PLCL2: variants seen among roughly 807,000 people sequenced by gnomAD.
The protein encoded by PLCL2 is phospholipase C like 2.
Under a neutral mutation model 79.6 loss-of-function variants are expected in PLCL2, and 4 were observed. The observed-to-expected ratio is 0.05, with a 90% CI of 0.02 to 0.11. PLCL2 has a LOEUF of 0.11. Among genes scored for constraint, PLCL2 ranks in the 10% least tolerant of loss-of-function variants. The probability of loss-of-function intolerance (pLI) is 1.00; values close to 1 mark genes in which losing one functional copy is unlikely to be tolerated. For synonymous variants in PLCL2, 484 were observed against 457.7 expected (o/e 1.06, Z -0.73); for missense variants, 895 against 1,291.0 (o/e 0.69, Z 4.70).
intron 1 of PLCL2, among the ~76,000 whole-genome samples, chr3:16,901,269 GAGATATTAAAGA>G (rs1696612892): frequency 6.6e-6 from 1 of 152,222 alleles, no homozygotes; most frequent in South Asian, 2.1e-4. Flanking sequence ...GGCTGCTCCT[GAGATATTAAAGA>G]CTCTTCAGAA....
chr3:16,961,954 T>G (rs895382976), intron 1 of PLCL2, among the ~76,000 whole-genome samples: 15 of 152,118 alleles, frequency 9.9e-5, no homozygotes, highest in African/African-American at 3.6e-4. Flanking sequence ...CCCTCTCATG[T>G]TCAGAGCACT....
At chr3:16,926,054 C>T (rs916945140) in intron 1 of PLCL2, among the ~76,000 whole-genome samples, 2 of 152,204 alleles carry the variant, frequency 1.3e-5, no homozygotes, top group African/African-American at 4.8e-5. Flanking sequence ...TGAAATGTTT[C>T]AAATGCTGAC....
At chr3:16,936,253 T>A (rs935454136) in intron 1 of PLCL2, among the ~76,000 whole-genome samples, 9 of 152,252 alleles carry the variant, frequency 5.9e-5, no homozygotes, top group African/African-American at 2.2e-4. Flanking sequence ...ATTTTTTGTT[T>A]TTAAATTCTG....
intron 1 of PLCL2, among the ~76,000 whole-genome samples, chr3:16,952,644 CAT>C (rs1339013166): frequency 6.6e-6 from 1 of 151,868 alleles, no homozygotes; most frequent in East Asian, 1.9e-4. Context: ...AGTATGATCA[CAT>C]GTTGAGAAAA....
chr3:17,033,537 A>AT, intron 3 of PLCL2, among the ~76,000 whole-genome samples: 1 of 152,332 alleles, frequency 6.6e-6, no homozygotes, highest in Admixed American at 6.5e-5. Flanking sequence ...TTAGGTAACA[A>AT]TTTGAGCATA....
chr3:16,897,989 AT>A (rs142316979), intron 1 of PLCL2, among the ~76,000 whole-genome samples: 3,498 of 149,942 alleles, frequency 0.023, 143 homozygotes, highest in African/African-American at 0.08. Flanking sequence ...TTTTTAGGTC[AT>A]TTTTTTTTTC....
chr3:16,960,737 C>A (rs2063747260), intron 1 of PLCL2, among the ~76,000 whole-genome samples: 2 of 152,072 alleles, frequency 1.3e-5, no homozygotes, highest in Non-Finnish European at 2.9e-5. Flanking sequence ...ATAAATGGTC[C>A]CATCACCTTC....
chr3:17,034,182 C>G (rs574266165), intron 3 of PLCL2, among the ~76,000 whole-genome samples: 2 of 152,252 alleles, frequency 1.3e-5, no homozygotes, highest in East Asian at 3.9e-4. Context: ...TCCCACATAG[C>G]AAAGATGTGA....
At chr3:16,941,392 G>T (rs1322808082) in intron 1 of PLCL2, among the ~76,000 whole-genome samples, 1 of 152,076 alleles carries the variant, frequency 6.6e-6, no homozygotes, top group African/African-American at 2.4e-5. Context: ...CCAATCAGAT[G>T]ATTCTCTTTT....
intron 1 of PLCL2, among the ~76,000 whole-genome samples, chr3:16,981,323 A>C (rs1245572330): frequency 2.0e-5 from 3 of 152,210 alleles, no homozygotes; most frequent in Admixed American, 1.3e-4. Flanking sequence ...TATATCAGTT[A>C]AGTTTTTTTG....
intron 1 of PLCL2, among the ~76,000 whole-genome samples, chr3:16,905,297 T>C (rs1009641498): frequency 6.6e-6 from 1 of 151,978 alleles, no homozygotes; most frequent in Non-Finnish European, 1.5e-5. Context: ...CCTGGCAGAG[T>C]GGTCTGTGAT....
intron 1 of PLCL2, among the ~76,000 whole-genome samples, chr3:16,954,150 A>G (rs1341196278): frequency 6.6e-6 from 1 of 152,086 alleles, no homozygotes; most frequent in Admixed American, 6.6e-5. Context: ...AACATTAGGT[A>G]TATCTCCTAA....
At chr3:17,042,619 G>A in intron 3 of PLCL2, 1 of 316,000 alleles carries the variant, frequency 3.2e-6, no homozygotes, top group South Asian at 6.6e-5. Flanking sequence ...ATTAGCTCAG[G>A]GTTCAAGTGC....
At chr3:17,075,173 G>A (rs922466382) in intron 5 of PLCL2, among the ~76,000 whole-genome samples, 1 of 152,028 alleles carries the variant, frequency 6.6e-6, no homozygotes. Context: ...TGAACACTTG[G>A]AGGCCTTTGT....
At chr3:16,894,998 G>A (rs759604317) in intron 1 of PLCL2, among the ~76,000 whole-genome samples, 2 of 151,670 alleles carry the variant, frequency 1.3e-5, no homozygotes, top group African/African-American at 4.8e-5. Flanking sequence ...TTATTCAGAT[G>A]ATATATATGT....
At chr3:17,088,400 A>G (rs2065241795) in intron 5 of PLCL2, among the ~76,000 whole-genome samples, 1 of 152,214 alleles carries the variant, frequency 6.6e-6, no homozygotes, top group Admixed American at 6.5e-5. Flanking sequence ...CATAAAGAAA[A>G]TAATAGAATA....
At chr3:16,920,368 A>G (rs1381342401) in intron 1 of PLCL2, among the ~76,000 whole-genome samples, 1 of 152,106 alleles carries the variant, frequency 6.6e-6, no homozygotes, top group Non-Finnish European at 1.5e-5. Context: ...TATAGATGAT[A>G]TAATAAGGCA....
intron 1 of PLCL2, among the ~76,000 whole-genome samples, chr3:16,980,339 C>G (rs530900059): frequency 6.9e-6 from 1 of 145,276 alleles, no homozygotes. Context: ...ACTTCCCAGA[C>G]GGGGTGGCTG....
intron 3 of PLCL2, among the ~76,000 whole-genome samples, chr3:17,019,009 T>C (rs2064415787): frequency 6.6e-6 from 1 of 152,180 alleles, no homozygotes; most frequent in Non-Finnish European, 1.5e-5. Flanking sequence ...GATAAGATGA[T>C]AGACAATAGA....
Sources: gnomAD v4.1 joint callset for allele counts (sites outside exome capture counted in the v4.1 genomes callset) on GRCh38, gnomAD v4.1.1 for gene constraint, MANE v1.5 for transcripts, NCBI Gene and HGNC (gene_info 2026-07-23, HGNC 2026-07-21) for gene names.